MTMR2: variants seen among roughly 807,000 people sequenced by gnomAD.
The protein encoded by MTMR2 is myotubularin related protein 2, also known as phosphatidylinositol-3,5-bisphosphate 3-phosphatase MTMR2.
A neutral mutation model predicts 86.9 loss-of-function variants in MTMR2; 55 were observed. The observed-to-expected ratio is 0.63, with a 90% CI of 0.51 to 0.79. The LOEUF is 0.79. MTMR2 is among the 30% of genes least tolerant of loss of function. MTMR2 has a pLI of 0.00. For synonymous variants in MTMR2, 241 were observed against 266.8 expected, an observed-to-expected ratio of 0.90 and a Z score of 0.94; for missense variants, 659 against 772.3, an observed-to-expected ratio of 0.85 and a Z score of 1.74.
intron 1 of MTMR2, 29 bp from the exon 2 acceptor site, chr11:95,888,290 G>T (rs748952404): frequency 1.5e-5 from 22 of 1,500,442 alleles, no homozygotes; most frequent in Non-Finnish European, 2.0e-5. Context: ...CAGTATGTTG[G>T]AAAAATGGGG....
In MTMR2 at chr11:95,833,129, T is replaced by A. The variant is rs1863096899; in HGVS notation, c.*2161A>T. ...AGGAATTAGTCACAAGGGAGAACAG[T>A]TGTTCCAGGTGCACAAGACAGACTG... On this transcript the variant is annotated 3_prime_UTR_variant, in exon 15 of 15. Transcript: ENST00000346299. The A allele has an allele frequency of 6.6e-6, 1 of 152,032 alleles. No homozygotes were observed. The highest frequency in any genetic ancestry group is 2.4e-5 in the African/African-American group (1 of 41,392). The allele number at this position is 152,032 out of a possible 1,614,324, so 9.4% of individuals were successfully genotyped here.
At chr11:95,875,253 C>G (rs1865062200) in intron 2 of MTMR2, among the ~76,000 whole-genome samples, 1 of 151,766 alleles carries the variant, frequency 6.6e-6, no homozygotes, top group Non-Finnish European at 1.5e-5. Context: ...TAGATTTGGT[C>G]TTTTCACATA....
At chr11:95,886,081 T>G (rs1238058087) in intron 2 of MTMR2, among the ~76,000 whole-genome samples, 1 of 152,012 alleles carries the variant, frequency 6.6e-6, no homozygotes, top group African/African-American at 2.4e-5. Flanking sequence ...AAGAGAAACC[T>G]AAGGAGACAT....
intron 1 of MTMR2, among the ~76,000 whole-genome samples, chr11:95,899,034 A>G (rs909513486): frequency 6.6e-6 from 1 of 152,176 alleles, no homozygotes; most frequent in Non-Finnish European, 1.5e-5. Context: ...TAATAAGTTG[A>G]TATTTCTGTA....
chr11:95,847,701 AAC>A lies in MTMR2; in HGVS notation c.1179+11_1179+12del. 6.3e-7 allele frequency: 1 copy of A among 1,583,398 alleles called. No individual in the cohort carries two copies. The highest frequency in any genetic ancestry group is 1.1e-5 in the South Asian group (1 of 90,886). ...AGAGAGTCTTTGTTTGGGATATAGT[AAC>A]ACACACCCACCTTAATATGTTCTAG... On this transcript the variant is annotated intron_variant, in intron 10 of 14. Transcript: ENST00000346299.
intron 2 of MTMR2, among the ~76,000 whole-genome samples, chr11:95,885,225 T>A (rs1024484693): frequency 2.0e-5 from 3 of 152,122 alleles, no homozygotes; most frequent in African/African-American, 7.2e-5. Flanking sequence ...GCATTTATAA[T>A]CACCCTACCC....
At chr11:95,836,023 G>GT (rs1863257739) in intron 14 of MTMR2, 125 bp downstream of exon 14, 1 of 971,872 alleles carries the variant, frequency 1.0e-6, no homozygotes, top group Admixed American at 1.7e-5. Flanking sequence ...CTATACGATT[G>GT]TTAACTATCA....
intron 2 of MTMR2, among the ~76,000 whole-genome samples, chr11:95,880,248 A>AG (rs1379761664): frequency 6.6e-6 from 1 of 152,080 alleles, no homozygotes; most frequent in Non-Finnish European, 1.5e-5. Flanking sequence ...CGTGTGTTTT[A>AG]GGAGGAGCTT....
intron 2 of MTMR2, among the ~76,000 whole-genome samples, chr11:95,870,516 T>C (rs1038282272): frequency 3.3e-5 from 5 of 152,074 alleles, no homozygotes; most frequent in African/African-American, 4.8e-5. Context: ...GGAAAAGTGA[T>C]CAAATCTGAC....
intron 1 of MTMR2, among the ~76,000 whole-genome samples, chr11:95,910,454 T>C (rs1866455588): frequency 6.6e-6 from 1 of 152,022 alleles, no homozygotes; most frequent in African/African-American, 2.4e-5. Flanking sequence ...AAAGAGTATA[T>C]ACACTTTAGA....
intron 1 of MTMR2, among the ~76,000 whole-genome samples, chr11:95,904,969 A>G (rs1866202815): frequency 6.6e-6 from 1 of 152,134 alleles, no homozygotes; most frequent in Admixed American, 6.5e-5. Context: ...GCTTTTGTCA[A>G]GGTCATCAAT....
chr11:95,900,192 T>C (rs1297407408), intron 1 of MTMR2, among the ~76,000 whole-genome samples: 1 of 152,142 alleles, frequency 6.6e-6, no homozygotes, highest in African/African-American at 2.4e-5. Context: ...TCATTGAACA[T>C]TGAACTTGAG....
intron 1 of MTMR2, among the ~76,000 whole-genome samples, chr11:95,890,596 A>G (rs1453049570): frequency 6.6e-6 from 1 of 152,210 alleles, no homozygotes; most frequent in Non-Finnish European, 1.5e-5. Context: ...TGCCTAAAAT[A>G]AGAATATAAA....
At chr11:95,865,425 C>T (rs538923773) in intron 3 of MTMR2, 176 bp downstream of exon 3, 6 of 637,170 alleles carry the variant, frequency 9.4e-6, no homozygotes, top group African/African-American at 3.6e-5. Flanking sequence ...ACACTAGCAG[C>T]GGGTCTAGGC....
chr11:95,903,253 G>A (rs764619131), intron 1 of MTMR2, among the ~76,000 whole-genome samples: 7 of 151,986 alleles, frequency 4.6e-5, no homozygotes, highest in East Asian at 1.9e-4. Flanking sequence ...CCAACACTTC[G>A]AATTGTTCAA....
At chr11:95,910,843 T>C (rs1026387546) in intron 1 of MTMR2, among the ~76,000 whole-genome samples, 2 of 152,026 alleles carry the variant, frequency 1.3e-5, no homozygotes, top group African/African-American at 4.8e-5. Context: ...TCATAAGCAC[T>C]GTTCATGCTC....
chr11:95,897,908 T>C (rs1026032182), intron 1 of MTMR2, among the ~76,000 whole-genome samples: 2 of 152,126 alleles, frequency 1.3e-5, no homozygotes, highest in African/African-American at 4.8e-5. Context: ...TTCACAAACT[T>C]ACTCTAACTT....
chr11:95,908,074 A>G (rs1866352110), intron 1 of MTMR2, among the ~76,000 whole-genome samples: 1 of 152,128 alleles, frequency 6.6e-6, no homozygotes, highest in South Asian at 2.1e-4. Flanking sequence ...TACAGATGAT[A>G]TATTTCATAC....
At chr11:95,863,199 T>A (rs891040488) in intron 3 of MTMR2, among the ~76,000 whole-genome samples, 5 of 152,142 alleles carry the variant, frequency 3.3e-5, no homozygotes, top group African/African-American at 7.2e-5. Context: ...GATAAAGGAG[T>A]ATCTTCATCA....
Sources: gnomAD v4.1 joint callset for allele counts (sites outside exome capture counted in the v4.1 genomes callset) on GRCh38, gnomAD v4.1.1 for gene constraint, MANE v1.5 for transcripts, NCBI Gene and HGNC (gene_info 2026-07-23, HGNC 2026-07-21) for gene names.